The following KCNH1 variants were observed in gnomAD, a reference collection of about 807,000 sequenced individuals.
KCNH1 encodes the protein potassium voltage-gated channel subfamily H member 1.
Under a neutral mutation model 69.2 loss-of-function variants are expected in KCNH1, and 27 were observed. The ratio of observed to expected loss-of-function variants is 0.39; its 90% confidence interval spans 0.29 to 0.54. KCNH1 has a LOEUF of 0.54. Ranked by LOEUF, KCNH1 falls within the 20% of genes least tolerant of loss-of-function variation. The pLI is 0.68. For synonymous variants in KCNH1, 456 were observed against 487.7 expected (o/e 0.93, Z 0.86); for missense variants, 798 against 1,261.6 (o/e 0.63, Z 5.57).
At chr1:210,959,565 C>T (rs1005030559) in intron 6 of KCNH1, among the ~76,000 whole-genome samples, 5 of 152,220 alleles carry the variant, frequency 3.3e-5, no homozygotes, top group South Asian at 2.1e-4. Context: ...AGCTGCAGTT[C>T]GAGCTTCCCA....
intron 6 of KCNH1, among the ~76,000 whole-genome samples, chr1:210,922,083 T>TA (rs879640539): frequency 2.8e-4 from 42 of 147,582 alleles, no homozygotes; most frequent in African/African-American, 5.4e-4. Flanking sequence ...TATTGCCCTT[T>TA]AAAAAAAAAA....
intron 10 of KCNH1, among the ~76,000 whole-genome samples, chr1:210,754,270 A>G (rs1403592947): frequency 1.3e-5 from 2 of 152,162 alleles, no homozygotes; most frequent in African/African-American, 4.8e-5. Context: ...TCCCAAGCCA[A>G]GTAGACCTGA....
intron 5 of KCNH1, 35 bp downstream of exon 5, chr1:211,082,745 G>T: frequency 6.4e-7 from 1 of 1,552,476 alleles, no homozygotes; most frequent in Non-Finnish European, 8.9e-7. Context: ...CCCCCTAAAA[G>T]TGAGGCTCAA....
At chr1:210,810,359 G>A (rs1285178660) in intron 7 of KCNH1, among the ~76,000 whole-genome samples, 3 of 152,022 alleles carry the variant, frequency 2.0e-5, no homozygotes, top group Non-Finnish European at 4.4e-5. Context: ...TCGTAATAAT[G>A]CACCTTTTTG....
chr1:211,130,210 T>A (rs751360639), intron 1 of KCNH1, among the ~76,000 whole-genome samples: 3 of 152,204 alleles, frequency 2.0e-5, no homozygotes, highest in Non-Finnish European at 4.4e-5. Flanking sequence ...ATCACTGACA[T>A]GACCATAAGC....
At chr1:210,991,183 T>C (rs1008081301) in intron 6 of KCNH1, among the ~76,000 whole-genome samples, 1 of 152,160 alleles carries the variant, frequency 6.6e-6, no homozygotes, top group African/African-American at 2.4e-5. Flanking sequence ...CTATTCACAA[T>C]AGGCAAGATA....
intron 6 of KCNH1, among the ~76,000 whole-genome samples, chr1:211,001,786 T>C (rs1168920829): frequency 6.6e-6 from 1 of 152,174 alleles, no homozygotes; most frequent in Non-Finnish European, 1.5e-5. Flanking sequence ...AATGATAGAC[T>C]GGATTAACAA....
intron 6 of KCNH1, among the ~76,000 whole-genome samples, chr1:210,970,457 T>C (rs934440676): frequency 1.3e-5 from 2 of 152,106 alleles, no homozygotes; most frequent in African/African-American, 2.4e-5. Context: ...GCTTCATCCA[T>C]GTCCCCGCAA....
At chr1:210,807,791 C>T (rs975941268) in intron 7 of KCNH1, among the ~76,000 whole-genome samples, 3 of 152,052 alleles carry the variant, frequency 2.0e-5, no homozygotes, top group Middle Eastern at 3.2e-3. Context: ...TATGGATGTA[C>T]CACAACCATT....
intron 9 of KCNH1, among the ~76,000 whole-genome samples, chr1:210,796,206 A>G (rs1684312319): frequency 6.6e-6 from 1 of 152,062 alleles, no homozygotes; most frequent in Admixed American, 6.5e-5. Context: ...AATGGATTGA[A>G]GCAGAGGTTT....
chr1:210,861,449 CT>C (rs1167562760), intron 7 of KCNH1: 2 of 775,984 alleles, frequency 2.6e-6, no homozygotes, highest in Non-Finnish European at 4.8e-6. Context: ...ACTGCCAGAG[CT>C]TCCATATCTT....
chr1:210,870,064 C>A (rs1686206917), intron 7 of KCNH1, among the ~76,000 whole-genome samples: 2 of 152,070 alleles, frequency 1.3e-5, no homozygotes, highest in African/African-American at 4.8e-5. Flanking sequence ...GAAAGTATCT[C>A]CAGGCAGAAA....
chr1:210,925,623 T>C (rs971508839), intron 6 of KCNH1, among the ~76,000 whole-genome samples: 1 of 152,140 alleles, frequency 6.6e-6, no homozygotes, highest in Non-Finnish European at 1.5e-5. Flanking sequence ...ACTTCCCTGG[T>C]GACCTGTATG....
At chr1:211,092,855 A>G (rs1008331946) in intron 3 of KCNH1, among the ~76,000 whole-genome samples, 1 of 151,868 alleles carries the variant, frequency 6.6e-6, no homozygotes, top group Non-Finnish European at 1.5e-5. Context: ...AAAAAATTTC[A>G]GCATTTTTTC....
intron 7 of KCNH1, among the ~76,000 whole-genome samples, chr1:210,892,297 C>T (rs917848603): frequency 2.0e-5 from 3 of 152,024 alleles, no homozygotes. Flanking sequence ...CTAAAACAGC[C>T]TCATTGCTTT....
At chr1:210,766,284 G>T (rs1172206336) in intron 10 of KCNH1, among the ~76,000 whole-genome samples, 1 of 152,144 alleles carries the variant, frequency 6.6e-6, no homozygotes, top group Non-Finnish European at 1.5e-5. Context: ...CCAGCACTTT[G>T]GGAGGCTGAG....
intron 7 of KCNH1, among the ~76,000 whole-genome samples, chr1:210,831,830 T>C (rs1685166152): frequency 6.6e-6 from 1 of 152,196 alleles, no homozygotes; most frequent in Admixed American, 6.6e-5. Flanking sequence ...ATTCTTCAAG[T>C]ACTTAGAGTA....
intron 5 of KCNH1, among the ~76,000 whole-genome samples, chr1:211,036,827 G>A (rs1003255230): frequency 1.3e-5 from 2 of 152,128 alleles, no homozygotes; most frequent in Non-Finnish European, 2.9e-5. Flanking sequence ...AGAGGCTTGT[G>A]TCTGTCCTAT....
chr1:210,740,704 A>T (rs900835552), intron 10 of KCNH1, among the ~76,000 whole-genome samples: 61 of 117,238 alleles, frequency 5.2e-4, no homozygotes, highest in African/African-American at 1.2e-3. Flanking sequence ...TTATGATTAA[A>T]TTTTTTTTTT....
Sources: gnomAD v4.1 joint callset for allele counts (sites outside exome capture counted in the v4.1 genomes callset) on GRCh38, gnomAD v4.1.1 for gene constraint, MANE v1.5 for transcripts, NCBI Gene and HGNC (gene_info 2026-07-23, HGNC 2026-07-21) for gene names.